The following PCDHGB1 variants were observed in gnomAD, a reference collection of about 807,000 sequenced individuals.
PCDHGB1 encodes protocadherin gamma subfamily B, 1.
In PCDHGB1, 34 loss-of-function variants were observed where a neutral mutation model predicts 56.6. That is an observed-to-expected ratio of 0.60 (90% CI 0.46 to 0.80). PCDHGB1 has a LOEUF of 0.80. Among genes scored for constraint, PCDHGB1 ranks in the 30% least tolerant of loss-of-function variants. PCDHGB1 has a pLI of 0.00. For missense variants in PCDHGB1, 1,278 were observed against 1,204.6 expected, an observed-to-expected ratio of 1.06 and a Z score of -0.90; for synonymous variants, 561 against 505.9, an observed-to-expected ratio of 1.11 and a Z score of -1.46.
intron 1 of PCDHGB1, chr5:141,362,192 C>T: frequency 6.2e-7 from 1 of 1,614,038 alleles, no homozygotes; most frequent in Non-Finnish European, 8.5e-7. Flanking sequence ...GACCCCCAGG[C>T]AAAACTGCAG....
intron 1 of PCDHGB1, chr5:141,411,384 A>G (rs1280664726): frequency 6.6e-6 from 1 of 152,092 alleles, no homozygotes; most frequent in Non-Finnish European, 1.5e-5. Context: ...AGCCTGGGCA[A>G]TATAGGGAGA....
intron 1 of PCDHGB1, chr5:141,375,669 A>T (rs755513841): frequency 1.8e-5 from 29 of 1,614,240 alleles, no homozygotes; most frequent in Non-Finnish European, 2.4e-5. Context: ...AGAGACCTAC[A>T]GCTGTGGGTG....
chr5:141,381,844 T>TTTTTTTTC, intron 1 of PCDHGB1, among the ~76,000 whole-genome samples: 1 of 145,182 alleles, frequency 6.9e-6, no homozygotes. Context: ...TTTTTTTTTT[T>TTTTTTTTC]TTTTGGCAGA....
intron 1 of PCDHGB1, chr5:141,360,024 G>A: frequency 7.5e-7 from 1 of 1,336,490 alleles, no homozygotes; most frequent in South Asian, 1.6e-5. Flanking sequence ...GAGAAGGCCA[G>A]TATAGATTCG....
At chr5:141,447,988 A>C (rs1234413003) in intron 1 of PCDHGB1, among the ~76,000 whole-genome samples, 1 of 152,018 alleles carries the variant, frequency 6.6e-6, no homozygotes, top group Non-Finnish European at 1.5e-5. Flanking sequence ...CGGGAGGCTG[A>C]GGCATGAGAA....
At position 141,414,606 on chromosome 5, in the gene PCDHGB1, A is replaced by G. The variant is rs760846889; in HGVS notation, c.2409+61937A>G. ...ACGCCAGGGGTGCCTCCATCTTCTCAGTGACAGCGCTGGACCCGGACAGCA... is the reference window on the plus strand; with the variant it reads ...ACGCCAGGGGTGCCTCCATCTTCTCGGTGACAGCGCTGGACCCGGACAGCA... On this transcript the variant is annotated intron_variant, in intron 1 of 3. Coordinates refer to ENST00000523390, the MANE Select transcript of PCDHGB1 (RefSeq NM_018922.3). The G allele has an allele frequency of 1.6e-5, 26 of 1,613,826 alleles. No homozygotes were observed. In the East Asian group the frequency reaches 5.6e-4, roughly 35 times the overall value.
At chr5:141,368,270 A>G (rs963622826) in intron 1 of PCDHGB1, among the ~76,000 whole-genome samples, 1 of 152,184 alleles carries the variant, frequency 6.6e-6, no homozygotes, top group Non-Finnish European at 1.5e-5. Flanking sequence ...ACATTAAAGA[A>G]CCTAAGACCA....
chr5:141,389,560 G>T (rs1323439261), intron 1 of PCDHGB1: 5 of 1,613,224 alleles, frequency 3.1e-6, no homozygotes, highest in Non-Finnish European at 4.2e-6. Flanking sequence ...AATGCGCCAC[G>T]GGTGCTGTAC....
chr5:141,455,627 A>G (rs1426625737), intron 1 of PCDHGB1, among the ~76,000 whole-genome samples: 2 of 152,104 alleles, frequency 1.3e-5, no homozygotes, highest in East Asian at 3.9e-4. Context: ...ACACGTGGAG[A>G]TATGTGGGGG....
Position 141,409,704 on chromosome 5 carries a change from T to C in PCDHGB1, c.2409+57035T>C. ...GCGAGTGACCTAGAGCCCCTGGCGG[T>C]GTCGTCATACGTGTCAGTGAGCGCG... On this transcript the variant is annotated intron_variant, in intron 1 of 3. Transcript: ENST00000523390. 6.2e-7 allele frequency: 1 copy of C among 1,613,248 alleles called. No homozygotes were observed. Among genetic ancestry groups the C allele is most frequent in the South Asian group, 1.1e-5 (1 of 91,072 alleles).
intron 3 of PCDHGB1, 154 bp from the exon 4 acceptor site, chr5:141,510,793 G>GAGA: frequency 1.1e-6 from 1 of 935,078 alleles, no homozygotes; most frequent in Non-Finnish European, 1.3e-6. Context: ...CTCTTGTGAA[G>GAGA]AGAGACTACC....
At chr5:141,460,733 C>T (rs988651750) in intron 1 of PCDHGB1, among the ~76,000 whole-genome samples, 2 of 150,844 alleles carry the variant, frequency 1.3e-5, no homozygotes, top group Non-Finnish European at 3.0e-5. Context: ...CATATATACA[C>T]ATTGTATATA....
At chr5:141,499,287 C>T (rs896428388) in intron 2 of PCDHGB1, among the ~76,000 whole-genome samples, 3 of 152,184 alleles carry the variant, frequency 2.0e-5, no homozygotes, top group Non-Finnish European at 2.9e-5. Context: ...CTGATGGCTC[C>T]ACACTACCAT....
Position 141,491,405 on chromosome 5 carries a change from A to C in PCDHGB1, c.2410-3402A>C. 6.2e-7 allele frequency: 1 copy of C among 1,614,096 alleles called. No individual in the cohort carries two copies. Among genetic ancestry groups the C allele is most frequent in the Non-Finnish European group, 8.5e-7 (1 of 1,179,998 alleles). On this transcript the variant is annotated intron_variant, in intron 1 of 3. Coordinates refer to ENST00000523390, the MANE Select transcript of PCDHGB1 (RefSeq NM_018922.3). This position sits in a 1 kb window ranked among gnomAD's most constrained non-coding sequence, Gnocchi z 6.9. ...GCGAAGTGCCTTCAGGGAAACGCAG[A>C]CGGGGACGGGGGTGGAGGGCAGTGC... is the stretch of plus-strand genomic sequence containing the variant.
intron 1 of PCDHGB1, chr5:141,355,253 T>C: frequency 6.2e-7 from 1 of 1,613,402 alleles, no homozygotes; most frequent in Non-Finnish European, 8.5e-7. Context: ...CAGATCTGCC[T>C]TCTCCTGGGG....
intron 1 of PCDHGB1, chr5:141,427,653 G>A (rs1221862562): frequency 4.1e-6 from 3 of 725,570 alleles, no homozygotes; most frequent in Non-Finnish European, 4.9e-6. Flanking sequence ...CTCCTACGTG[G>A]TCCACGTGGC....
chr5:141,450,107 A>G (rs1228532939), intron 1 of PCDHGB1, among the ~76,000 whole-genome samples: 3 of 150,976 alleles, frequency 2.0e-5, no homozygotes, highest in Non-Finnish European at 4.4e-5. Flanking sequence ...CCCAGGTTCA[A>G]ATGATTCTCC....
chr5:141,486,474 C>G lies in PCDHGB1; in HGVS notation c.2410-8333C>G. ...ACTGCTTCTGATGCTGGGAACCCTC[C>G]TCTCAGTACCCACAGAACTATTTTC... On this transcript the variant is annotated intron_variant, in intron 1 of 3. Transcript: ENST00000523390. The surrounding 1 kb of genome is among the most constrained non-coding windows in gnomAD (Gnocchi z 5.0). The G allele has an allele frequency of 6.2e-7, 1 of 1,614,016 alleles. No individual in the cohort carries two copies. Among genetic ancestry groups the G allele is most frequent in the Non-Finnish European group, 8.5e-7 (1 of 1,179,822 alleles).
At chr5:141,390,012 G>A (rs370865188) in intron 1 of PCDHGB1, 2 of 1,614,034 alleles carry the variant, frequency 1.2e-6, no homozygotes, top group South Asian at 2.2e-5. Context: ...TCTGGCCATT[G>A]CCTTGCGCCT....
Sources: gnomAD v4.1 joint callset for allele counts (sites outside exome capture counted in the v4.1 genomes callset) on GRCh38, gnomAD v4.1.1 for gene constraint, Gnocchi (gnomAD v3.1) non-coding constraint, MANE v1.5 for transcripts, NCBI Gene and HGNC (gene_info 2026-07-23, HGNC 2026-07-21) for gene names.